FBN1: variants seen among roughly 807,000 people sequenced by gnomAD.
The protein encoded by FBN1 is fibrillin 1.
Under a neutral mutation model 365.1 loss-of-function variants are expected in FBN1, and 29 were observed. The ratio of observed to expected loss-of-function variants is 0.08; its 90% CI spans 0.06 to 0.11. FBN1 has a LOEUF of 0.11. Ranked by LOEUF, FBN1 falls within the 10% of genes least tolerant of loss-of-function variation. The pLI is 1.00. For missense variants in FBN1, 2,476 were observed against 3,703.2 expected (o/e 0.67, Z 8.60); for synonymous variants, 1,210 against 1,270.5 (o/e 0.95, Z 1.01).
At chr15:48,536,034 C>T (rs1021854384) in intron 7 of FBN1, among the ~76,000 whole-genome samples, 1 of 152,052 alleles carries the variant, frequency 6.6e-6, no homozygotes, top group Non-Finnish European at 1.5e-5. Flanking sequence ...CCCATTTGCC[C>T]ACAGCCCCTC....
chr15:48,412,449 G>A, intron 65 of FBN1, 120 bp downstream of exon 65: 1 of 1,007,654 alleles, frequency 9.9e-7, no homozygotes. Context: ...CTCAGGGAAT[G>A]TCTGGAGTTT....
intron 2 of FBN1, among the ~76,000 whole-genome samples, chr15:48,626,197 G>C (rs1889873887): frequency 1.3e-5 from 2 of 150,312 alleles, no homozygotes; most frequent in African/African-American, 4.9e-5. Flanking sequence ...GTTGAGGCTA[G>C]AGTGAGCCGC....
At chr15:48,499,069 C>T (rs1467980568) in intron 17 of FBN1, 31 bp from the exon 18 acceptor site, 15 of 1,610,828 alleles carry the variant, frequency 9.3e-6, no homozygotes, top group Non-Finnish European at 1.3e-5. Flanking sequence ...GTAAATGATT[C>T]CCTTGTTTGC....
intron 17 of FBN1, among the ~76,000 whole-genome samples, chr15:48,500,784 CAA>C (rs1302247083): frequency 2.0e-5 from 3 of 152,130 alleles, no homozygotes; most frequent in Non-Finnish European, 4.4e-5. Context: ...GCTGAGGACA[CAA>C]GAGGGCTTGC....
chr15:48,498,459 TTTTAAC>T (rs1162115455), intron 18 of FBN1, among the ~76,000 whole-genome samples: 2 of 152,194 alleles, frequency 1.3e-5, no homozygotes, highest in Non-Finnish European at 2.9e-5. Flanking sequence ...CAATTCTCCT[TTTTAAC>T]TTTAATTCCT....
chr15:48,501,605 GT>G (rs1245465476), intron 17 of FBN1, among the ~76,000 whole-genome samples: 1 of 152,170 alleles, frequency 6.6e-6, no homozygotes, highest in Non-Finnish European at 1.5e-5. Context: ...TAATTTCCCT[GT>G]GGATTTTAAG....
intron 10 of FBN1, among the ~76,000 whole-genome samples, chr15:48,517,570 T>C (rs1234191839): frequency 6.6e-6 from 1 of 152,230 alleles, no homozygotes; most frequent in Non-Finnish European, 1.5e-5. Context: ...AAATAAATCA[T>C]CTTTAGGTTT....
chr15:48,587,009 T>C (rs1205170912), intron 6 of FBN1, among the ~76,000 whole-genome samples: 1 of 152,170 alleles, frequency 6.6e-6, no homozygotes, highest in African/African-American at 2.4e-5. Flanking sequence ...TCCCAAGAGC[T>C]AACAAACCCG....
intron 64 of FBN1, among the ~76,000 whole-genome samples, chr15:48,414,999 A>G: frequency 1.3e-5 from 2 of 152,170 alleles, no homozygotes; most frequent in Non-Finnish European, 2.9e-5. Flanking sequence ...AGGAAAATAC[A>G]GTAAGTGTTT....
chr15:48,465,406 T>A (rs2043312473), intron 40 of FBN1, among the ~76,000 whole-genome samples, 162 bp downstream of exon 40: 1 of 152,362 alleles, frequency 6.6e-6, no homozygotes, highest in African/African-American at 2.4e-5. Flanking sequence ...TTGAGTAACA[T>A]TAGTCCAAAT....
In FBN1 at chr15:48,508,578, G is replaced by A. The variant is rs199950267; in HGVS notation, c.1837+4C>T. ...AACATGATCTAGGGTTTTATAGCAC[G>A]AACCTTTGCAATAACGTCCATCTGA... On this transcript the variant is annotated splice_donor_region_variant and intron_variant, in intron 15 of 65. Transcript: ENST00000316623. 69 of 1,613,578 alleles carry A rather than the reference G, an allele frequency of 4.3e-5. No homozygotes were observed. Among genetic ancestry groups the A allele is most frequent in the Non-Finnish European group, 4.8e-5 (57 of 1,179,680 alleles).
intron 2 of FBN1, among the ~76,000 whole-genome samples, chr15:48,619,328 A>T (rs1001521042): frequency 1.3e-5 from 2 of 152,174 alleles, no homozygotes; most frequent in African/African-American, 4.8e-5. Context: ...GAAAAGGAAC[A>T]GAATGAATAA....
intron 9 of FBN1, among the ~76,000 whole-genome samples, chr15:48,523,605 A>G (rs1314516765): frequency 1.3e-5 from 2 of 152,144 alleles, no homozygotes; most frequent in Non-Finnish European, 2.9e-5. Flanking sequence ...TAAGTAAAGG[A>G]AGAAAAAACT....
At chr15:48,559,146 C>T (rs538074361) in intron 6 of FBN1, among the ~76,000 whole-genome samples, 1 of 152,228 alleles carries the variant, frequency 6.6e-6, no homozygotes, top group Non-Finnish European at 1.5e-5. Context: ...ATACTGAATA[C>T]AGAGCACTAG....
chr15:48,537,951 AG>A, intron 6 of FBN1, 143 bp from the exon 7 acceptor site: 7 of 875,960 alleles, frequency 8.0e-6, no homozygotes, highest in Non-Finnish European at 1.3e-5. Flanking sequence ...TCCCTGTGTA[AG>A]GCCTTGGATA....
At chr15:48,522,631 T>G (rs1242619880) in intron 9 of FBN1, among the ~76,000 whole-genome samples, 1 of 152,196 alleles carries the variant, frequency 6.6e-6, no homozygotes, top group Admixed American at 6.5e-5. Context: ...ATCTACATCA[T>G]TCTTAAGAAC....
At chr15:48,439,387 G>A (rs936312705) in intron 50 of FBN1, among the ~76,000 whole-genome samples, 1 of 152,158 alleles carries the variant, frequency 6.6e-6, no homozygotes, top group Non-Finnish European at 1.5e-5. Context: ...TCAATCCTGC[G>A]GCATCTCTGC....
intron 38 of FBN1, 32 bp from the exon 39 acceptor site, chr15:48,465,890 T>C: frequency 1.3e-6 from 2 of 1,501,776 alleles, no homozygotes. Context: ...TTGAGTTGTT[T>C]TGAATCTAAA....
In FBN1 at chr15:48,463,227, ACTT is replaced by A. The variant is rs1555396789; in HGVS notation, c.5076_5078del (p.Arg1692del). ...CAGCATAGTAGTTTCTGTAGCACAA[ACTT>A]CTTCTCATATCTAGAAGGGAGGTAA... is the stretch of plus-strand genomic sequence containing the variant. On this transcript the variant is annotated inframe_deletion, in exon 42 of 66. Transcript: ENST00000316623. The A allele has an allele frequency of 6.2e-7, 1 of 1,613,910 alleles. No individual in the cohort carries two copies. Among genetic ancestry groups the A allele is most frequent in the Non-Finnish European group, 8.5e-7 (1 of 1,179,888 alleles).
Sources: allele counts gnomAD v4.1 joint callset (sites outside exome capture counted in the v4.1 genomes callset), GRCh38; gene constraint gnomAD v4.1.1; transcripts MANE v1.5; gene names NCBI Gene and HGNC (gene_info 2026-07-23, HGNC 2026-07-21).